The following ANTXR1 variants were observed in gnomAD, a reference collection of about 807,000 sequenced individuals.
ANTXR1 encodes anthrax toxin receptor 1.
A neutral mutation model predicts 78.1 loss-of-function variants in ANTXR1; 19 were observed. The observed-to-expected ratio is 0.24, with a 90% CI of 0.17 to 0.36. ANTXR1 has a LOEUF of 0.36. Ranked by LOEUF, ANTXR1 falls within the 10% of genes least tolerant of loss-of-function variation. The pLI is 1.00. For synonymous variants in ANTXR1, 273 were observed against 260.5 expected (o/e 1.05, Z -0.46); for missense variants, 518 against 718.6 (o/e 0.72, Z 3.19).
intron 17 of ANTXR1, among the ~76,000 whole-genome samples, chr2:69,218,751 C>T (rs762620454): frequency 6.6e-6 from 1 of 152,096 alleles, no homozygotes; most frequent in Admixed American, 6.5e-5. Flanking sequence ...GAAGGTGAAA[C>T]CCAGCCCAGA....
chr2:69,230,487 A>G (rs1003545315), intron 17 of ANTXR1, among the ~76,000 whole-genome samples: 1 of 152,086 alleles, frequency 6.6e-6, no homozygotes, highest in Admixed American at 6.6e-5. Context: ...GAGTTTGTTC[A>G]TCCCTATTTT....
At chr2:69,214,319 T>A (rs1675125570) in intron 17 of ANTXR1, among the ~76,000 whole-genome samples, 1 of 152,236 alleles carries the variant, frequency 6.6e-6, no homozygotes, top group Non-Finnish European at 1.5e-5. Context: ...AGTGACATGA[T>A]CAAAACAAAG....
intron 17 of ANTXR1, among the ~76,000 whole-genome samples, chr2:69,238,363 T>G (rs1675821343): frequency 6.6e-6 from 1 of 152,214 alleles, no homozygotes; most frequent in East Asian, 1.9e-4. Context: ...CAATACTGTC[T>G]GCAGCACCTT....
At chr2:69,119,587 C>T (rs1014627749) in intron 10 of ANTXR1, among the ~76,000 whole-genome samples, 1 of 152,250 alleles carries the variant, frequency 6.6e-6, no homozygotes, top group African/African-American at 2.4e-5. Context: ...GGCTTTGCCT[C>T]TGGCTTGCGG....
At chr2:69,158,174 C>A (rs1333537832) in intron 13 of ANTXR1, among the ~76,000 whole-genome samples, 2 of 152,222 alleles carry the variant, frequency 1.3e-5, no homozygotes, top group Non-Finnish European at 2.9e-5. Context: ...AAAGCTGCTG[C>A]TCAGTGTATC....
chr2:69,182,549 G>T lies in ANTXR1; in HGVS notation c.1242G>T (p.Lys414Asn). 2 of 1,614,218 alleles carry T rather than the reference G, an allele frequency of 1.2e-6. No homozygotes were observed. The highest frequency in any genetic ancestry group is 1.7e-6 in the Non-Finnish European group (2 of 1,180,042). ...TEEGAKLEKA[K>N]NARVKMPEQE... Reference sequence around the variant, plus strand: ...AAGGTGCTAAGTTGGAAAAGGCAAAGAATGCAAGAGTCAAGATGCCGGAGC... The same window carrying T: ...AAGGTGCTAAGTTGGAAAAGGCAAATAATGCAAGAGTCAAGATGCCGGAGC... Residue 414 changes from lysine to asparagine, a missense_variant, in exon 16 of 18, where the codon AAG becomes AAT. Lys to Asn is a moderately conservative substitution (Grantham distance 94). Coordinates refer to ENST00000303714, the MANE Select transcript of ANTXR1 (RefSeq NM_032208.3).
chr2:69,129,967 G>A (rs1672681446), intron 12 of ANTXR1, among the ~76,000 whole-genome samples: 1 of 152,194 alleles, frequency 6.6e-6, no homozygotes. Context: ...ACCCGAACCA[G>A]GGATGGATAT....
chr2:69,174,403 C>T (rs1377243369), intron 14 of ANTXR1, among the ~76,000 whole-genome samples: 4 of 152,028 alleles, frequency 2.6e-5, no homozygotes, highest in African/African-American at 9.7e-5. Flanking sequence ...TTTGGGAGGC[C>T]GAGGCGGGCA....
At chr2:69,159,782 C>T (rs543259855) in intron 13 of ANTXR1, among the ~76,000 whole-genome samples, 29 of 152,238 alleles carry the variant, frequency 1.9e-4, no homozygotes, top group African/African-American at 5.8e-4. Flanking sequence ...TAAAGAATTA[C>T]GTAACAGATC....
intron 1 of ANTXR1, among the ~76,000 whole-genome samples, chr2:69,022,757 C>T (rs1671230665): frequency 6.6e-6 from 1 of 152,222 alleles, no homozygotes. Flanking sequence ...ATAATGATGG[C>T]TCATGGTTAT....
Position 69,182,566 on chromosome 2 carries a change from T to A in ANTXR1, c.1259T>A (p.Met420Lys). The change falls in exon 16 of 18, where the codon ATG becomes AAG. Residue 420 changes from methionine (M) to lysine (K), a missense_variant. Met to Lys is a moderately conservative substitution (Grantham distance 95, BLOSUM62 -1). Around this residue, in one of 5 missense-constraint regions of ANTXR1, gnomAD observed 192 missense variants for 230.2 expected, o/e 0.83. Coordinates refer to ENST00000303714, the MANE Select transcript of ANTXR1 (RefSeq NM_032208.3). ...LEKAKNARVK[M>K]PEQEYEFPEP... ...AAGGCAAAGAATGCAAGAGTCAAGA[T>A]GCCGGAGCAGGAATATGAATTCCCT... 1.2e-6 allele frequency: 2 copies of A among 1,614,216 alleles called. No individual in the cohort carries two copies. The highest frequency in any genetic ancestry group is 2.2e-5 in the East Asian group (1 of 44,890).
chr2:69,065,123 C>G (rs987414756), intron 3 of ANTXR1, among the ~76,000 whole-genome samples: 15 of 152,088 alleles, frequency 9.9e-5, no homozygotes, highest in African/African-American at 3.4e-4. Flanking sequence ...TGATAAACCA[C>G]TGGTAAGAGT....
intron 17 of ANTXR1, among the ~76,000 whole-genome samples, chr2:69,195,781 T>G (rs1449117883): frequency 6.6e-6 from 1 of 152,178 alleles, no homozygotes; most frequent in Non-Finnish European, 1.5e-5. Context: ...AAAATAATAA[T>G]AAGATCCCTA....
chr2:69,155,886 C>T (rs1230727599), intron 13 of ANTXR1, among the ~76,000 whole-genome samples: 1 of 152,222 alleles, frequency 6.6e-6, no homozygotes, highest in Non-Finnish European at 1.5e-5. Context: ...GCAATGGGGA[C>T]TGGCTGCCCC....
chr2:69,149,261 C>T (rs148464533), intron 12 of ANTXR1, among the ~76,000 whole-genome samples: 1 of 152,282 alleles, frequency 6.6e-6, no homozygotes, highest in African/African-American at 2.4e-5. Flanking sequence ...CCACCACAGC[C>T]AGAGGGAACT....
At chr2:69,071,411 C>T (rs1383992468) in intron 4 of ANTXR1, among the ~76,000 whole-genome samples, 1 of 152,180 alleles carries the variant, frequency 6.6e-6, no homozygotes, top group Non-Finnish European at 1.5e-5. Context: ...TGTTTCTAAA[C>T]ATAGAAATGG....
At position 69,240,071 on chromosome 2, in the gene ANTXR1, A is replaced by G. The variant is rs180947241; in HGVS notation, c.1435-5154A>G. ...AACCTAGGAGATGTCCAAGGAGACCATGGGGAGGTGACTGAGAAGCCCTAA... is the reference window on the plus strand; with the variant it reads ...AACCTAGGAGATGTCCAAGGAGACCGTGGGGAGGTGACTGAGAAGCCCTAA... On this transcript the variant is annotated intron_variant, in intron 17 of 17. Transcript: ENST00000303714. 2.6e-5 allele frequency among the ~76,000 whole-genome samples: 4 copies of G among 152,364 alleles called. No individual in the cohort carries two copies. The East Asian group carries it at 7.7e-4, about 29-fold the overall frequency.
intron 3 of ANTXR1, among the ~76,000 whole-genome samples, chr2:69,050,588 A>G (rs1239334695): frequency 4.0e-5 from 6 of 150,404 alleles, no homozygotes; most frequent in Non-Finnish European, 1.5e-5. Context: ...ACGTTTGTTC[A>G]AAGTTTGATA....
At chr2:69,149,961 TG>T (rs1673346601) in intron 12 of ANTXR1, among the ~76,000 whole-genome samples, 1 of 152,196 alleles carries the variant, frequency 6.6e-6, no homozygotes, top group Non-Finnish European at 1.5e-5. Flanking sequence ...GTCCATCGTC[TG>T]GCCCCTGTGC....
Sources: gnomAD v4.1 joint callset for allele counts (sites outside exome capture counted in the v4.1 genomes callset) on GRCh38, gnomAD v4.1.1 for gene constraint, gnomAD v4.1.1 regional missense constraint, MANE v1.5 for transcripts, NCBI Gene and HGNC (gene_info 2026-07-23, HGNC 2026-07-21) for gene names.